The following PTK2B variants were observed in gnomAD, a reference collection of about 807,000 sequenced individuals.
The protein encoded by PTK2B is protein tyrosine kinase 2 beta, also known as protein-tyrosine kinase 2-beta.
Under a neutral mutation model 142.9 loss-of-function variants are expected in PTK2B, and 71 were observed. The observed-to-expected ratio is 0.50, with a 90% CI of 0.41 to 0.61. PTK2B has a LOEUF of 0.61. Among genes scored for constraint, PTK2B ranks in the 20% least tolerant of loss-of-function variants. The probability of loss-of-function intolerance (pLI) is 0.00; values close to 1 mark genes in which losing one functional copy is unlikely to be tolerated. For missense variants in PTK2B, 1,105 were observed against 1,320.4 expected (o/e 0.84, Z 2.53); for synonymous variants, 519 against 503.4 (o/e 1.03, Z -0.42).
rs1454518366 is a variant in PTK2B, at chr8:27,440,376, G to A, written c.1974G>A (p.Met658Ile). The stretch of plus-strand genomic sequence containing the variant: ...GTCCACCGGTCCTTTATACCCTCAT[G>A]ACCCGCTGCTGGGACTACGACCCCA... ...DLCPPVLYTL[M>I]TRCWDYDPSD... Residue 658 changes from methionine (M) to isoleucine (I), a missense_variant, in exon 21 of 31, where the codon ATG (methionine) becomes ATA (isoleucine). Physicochemically the swap from Met to Ile is conservative, Grantham distance 10. Coordinates refer to ENST00000346049, the MANE Select transcript of PTK2B (RefSeq NM_173176.3). 1 of 1,614,178 alleles carries A rather than the reference G, an allele frequency of 6.2e-7. No homozygotes were observed. Among genetic ancestry groups the A allele is most frequent in the Admixed American group, 1.7e-5 (1 of 60,028 alleles).
At chr8:27,400,342 T>A (rs573555765) in intron 2 of PTK2B, among the ~76,000 whole-genome samples, 1 of 152,200 alleles carries the variant, frequency 6.6e-6, no homozygotes, top group East Asian at 1.9e-4. Context: ...ATAAACAATT[T>A]CTTATTTGCC....
At chr8:27,442,795 C>A in intron 21 of PTK2B, 80 bp from the exon 22 acceptor site, 2 of 1,283,968 alleles carry the variant, frequency 1.6e-6, no homozygotes, top group Non-Finnish European at 1.1e-6. Context: ...CTCTGGGCCT[C>A]CACGAAGTAC....
intron 1 of PTK2B, among the ~76,000 whole-genome samples, chr8:27,327,328 C>T (rs1361387105): frequency 2.0e-5 from 3 of 152,144 alleles, no homozygotes; most frequent in Non-Finnish European, 2.9e-5. Context: ...AGGCAGGAGA[C>T]TTCCCAGCAG....
At chr8:27,375,878 A>C (rs1020146242) in intron 1 of PTK2B, among the ~76,000 whole-genome samples, 5 of 152,204 alleles carry the variant, frequency 3.3e-5, no homozygotes, top group Admixed American at 2.0e-4. Flanking sequence ...TGTGTTCTGG[A>C]GCCTTCATTC....
rs190334911 is a variant in PTK2B at position 27,430,662 on chromosome 8, T to C, written c.670-214T>C. On this transcript the variant is annotated intron_variant, in intron 7 of 30. Coordinates refer to ENST00000346049, the MANE Select transcript of PTK2B (RefSeq NM_173176.3). ...CTCTGCGGCCCCAGTACTGGGAAGC[T>C]ACCCCTCGCCCCCTCAACCTCCTTC... 3.3e-5 allele frequency among the ~76,000 whole-genome samples: 5 copies of C among 152,278 alleles called. No homozygotes were observed. In the East Asian group the frequency reaches 7.7e-4, roughly 24 times the overall value.
At chr8:27,350,643 G>A (rs1293306999) in intron 1 of PTK2B, among the ~76,000 whole-genome samples, 5 of 152,008 alleles carry the variant, frequency 3.3e-5, no homozygotes, top group Non-Finnish European at 5.9e-5. Flanking sequence ...CATAACACAA[G>A]TGCGAACTGT....
chr8:27,400,178 C>T (rs984511633), intron 2 of PTK2B, among the ~76,000 whole-genome samples: 7 of 151,904 alleles, frequency 4.6e-5, no homozygotes, highest in Non-Finnish European at 1.0e-4. Context: ...AGAAGTGTGC[C>T]CTCGGGAAGG....
At chr8:27,411,036 A>C (rs534236739) in intron 2 of PTK2B, among the ~76,000 whole-genome samples, 1 of 152,228 alleles carries the variant, frequency 6.6e-6, no homozygotes, top group East Asian at 1.9e-4. Flanking sequence ...GTAGCAAAAA[A>C]CAGTCCTGGG....
Position 27,339,767 on chromosome 8 carries a change from A to G in PTK2B, c.-38+14086A>G, listed in dbSNP as rs1302233981. On this transcript the variant is annotated intron_variant, in intron 1 of 30. Coordinates refer to ENST00000346049, the MANE Select transcript of PTK2B (RefSeq NM_173176.3). ...ACAGTACACAGCAATGTGGACATAC[A>G]TGGCCTGGACTCCTTTCCTTTACTG... Among the ~76,000 whole-genome samples, 3 of 152,210 alleles carry G rather than the reference A, an allele frequency of 2.0e-5. No homozygotes were observed. In the East Asian group the frequency reaches 5.8e-4, roughly 29 times the overall value.
intron 1 of PTK2B, among the ~76,000 whole-genome samples, chr8:27,356,014 C>T (rs1805371088): frequency 6.7e-6 from 1 of 148,884 alleles, no homozygotes; most frequent in Admixed American, 6.7e-5. Context: ...CAGTGCAAGA[C>T]TGTCTCAAAA....
chr8:27,419,853 G>A (rs1442010900), intron 2 of PTK2B, 42 bp from the exon 3 acceptor site: 3 of 1,603,802 alleles, frequency 1.9e-6, no homozygotes, highest in Admixed American at 1.7e-5. Context: ...GGAGCCCAAA[G>A]GTGGGCACCC....
intron 1 of PTK2B, among the ~76,000 whole-genome samples, chr8:27,361,713 C>G (rs1805717172): frequency 6.6e-6 from 1 of 152,100 alleles, no homozygotes; most frequent in African/African-American, 2.4e-5. Context: ...CCCAGGTGGT[C>G]TCCCCAGGGG....
At chr8:27,374,427 G>A (rs950108512) in intron 1 of PTK2B, among the ~76,000 whole-genome samples, 13 of 152,362 alleles carry the variant, frequency 8.5e-5, no homozygotes, top group African/African-American at 2.9e-4. Flanking sequence ...ATAGGGCCCC[G>A]TGGGGCAGCA....
At chr8:27,436,424 T>C (rs1251307688) in intron 15 of PTK2B, 76 bp downstream of exon 15, 4 of 1,433,000 alleles carry the variant, frequency 2.8e-6, no homozygotes, top group South Asian at 1.2e-5. Flanking sequence ...TCTGAGCAGG[T>C]TGGAGTTGGC....
At chr8:27,360,574 G>A (rs546119480) in intron 1 of PTK2B, among the ~76,000 whole-genome samples, 7 of 152,018 alleles carry the variant, frequency 4.6e-5, no homozygotes, top group Admixed American at 1.3e-4. Flanking sequence ...TGACTTGTGA[G>A]CTAGCTGGCT....
intron 1 of PTK2B, among the ~76,000 whole-genome samples, chr8:27,371,445 A>G (rs1806351708): frequency 6.6e-6 from 1 of 151,926 alleles, no homozygotes; most frequent in Non-Finnish European, 1.5e-5. Flanking sequence ...CAGCTCTACC[A>G]TTTCTTAGCT....
chr8:27,313,353 A>T (rs1803026133), intron 3 of PTK2B: 1 of 152,258 alleles, frequency 6.6e-6, no homozygotes, highest in South Asian at 2.1e-4. Context: ...CTTTATAGCA[A>T]TGTGAAAATG....
intron 10 of PTK2B, 144 bp from the exon 11 acceptor site, chr8:27,433,291 G>A (rs1169166788): frequency 2.8e-6 from 2 of 703,034 alleles, no homozygotes; most frequent in Non-Finnish European, 4.9e-6. Flanking sequence ...CTGGACTCCA[G>A]GGCAGGGCCC....
intron 1 of PTK2B, among the ~76,000 whole-genome samples, chr8:27,378,606 T>A: frequency 1.8e-5 from 1 of 55,496 alleles, no homozygotes; most frequent in Non-Finnish European, 3.4e-5. Context: ...CTTATCTGTG[T>A]GTGTGTGTGT....
Sources: allele counts gnomAD v4.1 joint callset (sites outside exome capture counted in the v4.1 genomes callset), GRCh38; gene constraint gnomAD v4.1.1; transcripts MANE v1.5; gene names NCBI Gene and HGNC (gene_info 2026-07-23, HGNC 2026-07-21).